FAF1: variants seen among roughly 807,000 people sequenced by gnomAD.
The protein encoded by FAF1 is FAS-associated factor 1.
A neutral mutation model predicts 92.5 loss-of-function variants in FAF1; 25 were observed. The observed-to-expected ratio is 0.27, with a 90% confidence interval of 0.20 to 0.38. The LOEUF is 0.38. FAF1 is among the 10% of genes least tolerant of loss of function. The pLI is 1.00. For synonymous variants in FAF1, 234 were observed against 273.2 expected (o/e 0.86, Z 1.42); for missense variants, 636 against 793.3 (o/e 0.80, Z 2.38).
chr1:50,732,995 A>G lies in FAF1; in HGVS notation c.551+5868T>C, dbSNP rs568019530. Among the ~76,000 whole-genome samples the G allele has an allele frequency of 2.0e-5, 3 of 152,142 alleles. No individual in the cohort carries two copies. The South Asian group carries it at 6.2e-4, about 32-fold the overall frequency. ...TTAATCAGTATTTCTAGCCTTCTTC[A>G]ACTGTAGTTCCCAATAACCACTATC... On this transcript the variant is annotated intron_variant, in intron 6 of 18. Transcript: ENST00000396153.
intron 6 of FAF1, among the ~76,000 whole-genome samples, chr1:50,724,834 T>C (rs1658578085): frequency 6.6e-6 from 1 of 152,186 alleles, no homozygotes; most frequent in Admixed American, 6.6e-5. Flanking sequence ...TTTTTACCCA[T>C]TGTGGTAGGT....
chr1:50,666,214 G>A (rs7543414), intron 7 of FAF1, among the ~76,000 whole-genome samples: 3,531 of 151,774 alleles, frequency 0.023, 55 homozygotes, highest in Middle Eastern at 0.092. Context: ...GCGCCCGGCT[G>A]GACACTTTTT....
At chr1:50,546,650 T>C (rs755725661) in intron 13 of FAF1, among the ~76,000 whole-genome samples, 31 of 152,178 alleles carry the variant, frequency 2.0e-4, no homozygotes, top group African/African-American at 6.3e-4. Context: ...AGGCATGAGA[T>C]ACCGCGCCCG....
chr1:50,574,574 C>T (rs753638497), intron 12 of FAF1, among the ~76,000 whole-genome samples: 5 of 152,042 alleles, frequency 3.3e-5, no homozygotes, highest in Non-Finnish European at 5.9e-5. Flanking sequence ...AAAAGGAGTG[C>T]GAATGTCAAG....
intron 13 of FAF1, among the ~76,000 whole-genome samples, chr1:50,563,286 C>A (rs187408864): frequency 6.6e-6 from 1 of 152,086 alleles, no homozygotes; most frequent in Non-Finnish European, 1.5e-5. Flanking sequence ...GAAATTAGAA[C>A]GGGGCATGGT....
chr1:50,817,120 C>T (rs1643986373), intron 2 of FAF1, among the ~76,000 whole-genome samples: 1 of 152,120 alleles, frequency 6.6e-6, no homozygotes, highest in African/African-American at 2.4e-5. Flanking sequence ...TAATGTGATG[C>T]CTCCAACTTT....
intron 6 of FAF1, among the ~76,000 whole-genome samples, chr1:50,729,026 CTATCTATCTA>C (rs1199358936): frequency 1.7e-3 from 125 of 73,618 alleles, no homozygotes; most frequent in African/African-American, 7.9e-3. Flanking sequence ...ATCTATCTAT[CTATCTATCTA>C]TATATATATA....
intron 1 of FAF1, among the ~76,000 whole-genome samples, chr1:50,885,324 A>ACACACACACACACACACACTCTCT (rs1644651416): frequency 9.8e-6 from 1 of 102,214 alleles, no homozygotes; most frequent in African/African-American, 3.5e-5. Context: ...ACACACACAC[A>ACACACACACACACACACACTCTCT]CTCTCTCTCT....
At chr1:50,887,277 C>T (rs143673931) in intron 1 of FAF1, among the ~76,000 whole-genome samples, 1,596 of 152,184 alleles carry the variant, frequency 0.01, 31 homozygotes, top group East Asian at 0.056. Flanking sequence ...TGGATATTAG[C>T]CCTTTGTCAG....
intron 18 of FAF1, among the ~76,000 whole-genome samples, chr1:50,459,439 G>C (rs1462492086): frequency 6.6e-6 from 1 of 152,076 alleles, no homozygotes; most frequent in Non-Finnish European, 1.5e-5. Flanking sequence ...TGGTCCCTCA[G>C]ACTCAACAAA....
chr1:50,513,314 T>C (rs1278977390), intron 15 of FAF1, among the ~76,000 whole-genome samples: 2 of 152,172 alleles, frequency 1.3e-5, no homozygotes, highest in Admixed American at 1.3e-4. Context: ...ACCCTGTCTC[T>C]ACCAGAAAAA....
intron 1 of FAF1, among the ~76,000 whole-genome samples, chr1:50,928,782 CAAAAA>C (rs1157426126): frequency 2.5e-5 from 1 of 39,700 alleles, no homozygotes; most frequent in Non-Finnish European, 5.2e-5. Flanking sequence ...GACTCCACCT[CAAAAA>C]AAAAAAAAAA....
intron 1 of FAF1, among the ~76,000 whole-genome samples, chr1:50,878,227 C>A (rs774915211): frequency 4.6e-5 from 7 of 152,232 alleles, no homozygotes; most frequent in Non-Finnish European, 8.8e-5. Context: ...CTGACTTCAA[C>A]ACTGTGCCCT....
At chr1:50,822,505 A>G (rs1310047862) in intron 2 of FAF1, among the ~76,000 whole-genome samples, 1 of 152,170 alleles carries the variant, frequency 6.6e-6, no homozygotes, top group African/African-American at 2.4e-5. Context: ...ACAGTCACCT[A>G]CTTCTCCTTC....
intron 6 of FAF1, among the ~76,000 whole-genome samples, chr1:50,729,307 G>A (rs554557080): frequency 2.6e-5 from 4 of 151,420 alleles, no homozygotes; most frequent in East Asian, 2.0e-4. Context: ...CACCTGCCTC[G>A]GCCTCCCAAA....
At chr1:50,769,366 T>C (rs754635667) in intron 4 of FAF1, among the ~76,000 whole-genome samples, 3 of 152,140 alleles carry the variant, frequency 2.0e-5, no homozygotes, top group Admixed American at 6.5e-5. Context: ...ACCAGATGCA[T>C]AGAGAGGAAC....
intron 4 of FAF1, among the ~76,000 whole-genome samples, chr1:50,782,078 G>A (rs1267209923): frequency 1.1e-4 from 17 of 152,186 alleles, no homozygotes; most frequent in South Asian, 4.1e-4. Context: ...ACATAGAATC[G>A]TATATAGTAC....
intron 3 of FAF1, among the ~76,000 whole-genome samples, chr1:50,800,529 G>A (rs1232321172): frequency 6.6e-6 from 1 of 152,156 alleles, no homozygotes; most frequent in African/African-American, 2.4e-5. Flanking sequence ...AGAAACTCTA[G>A]AAATCTGCCA....
At chr1:50,485,134 T>TTA (rs1449526625) in intron 17 of FAF1, among the ~76,000 whole-genome samples, 172 of 151,678 alleles carry the variant, frequency 1.1e-3, no homozygotes, top group Non-Finnish European at 2.1e-3. Context: ...TATTATTATT[T>TTA]TTTTTAAATA....
Sources: allele counts gnomAD v4.1 joint callset (sites outside exome capture counted in the v4.1 genomes callset), GRCh38; gene constraint gnomAD v4.1.1; transcripts MANE v1.5; gene names NCBI Gene and HGNC (gene_info 2026-07-23, HGNC 2026-07-21).